Variants in ADGRL3 observed in about 807,000 individuals in gnomAD.
The protein encoded by ADGRL3 is calcium-independent alpha-latrotoxin receptor 3.
In ADGRL3, 62 loss-of-function variants were observed where a neutral mutation model predicts 153.5. That is an observed-to-expected ratio of 0.40 (90% CI 0.33 to 0.50). The LOEUF (loss-of-function observed/expected upper bound fraction) is 0.50. Ranked by LOEUF, ADGRL3 falls within the 20% of genes least tolerant of loss-of-function variation. ADGRL3 has a pLI of 0.47. For synonymous variants in ADGRL3, 710 were observed against 672.5 expected (o/e 1.06, Z -0.86); for missense variants, 1,641 against 1,859.4 (o/e 0.88, Z 2.16).
intron 6 of ADGRL3, among the ~76,000 whole-genome samples, chr4:61,680,057 A>C (rs183875177): frequency 1.3e-5 from 2 of 152,158 alleles, no homozygotes; most frequent in Admixed American, 1.3e-4. Context: ...TGTACCATGA[A>C]AATACTACTT....
intron 13 of ADGRL3, among the ~76,000 whole-genome samples, chr4:61,932,762 G>A (rs2098822874): frequency 6.6e-6 from 1 of 152,014 alleles, no homozygotes; most frequent in Middle Eastern, 3.2e-3. Flanking sequence ...TTCTTTAAGT[G>A]TAGAAAAATT....
chr4:61,206,265 T>C (rs920206680), intron 1 of ADGRL3, among the ~76,000 whole-genome samples: 2 of 152,236 alleles, frequency 1.3e-5, no homozygotes, highest in Non-Finnish European at 2.9e-5. Context: ...TATTCAAGAA[T>C]TTAAATGGAA....
intron 11 of ADGRL3, among the ~76,000 whole-genome samples, chr4:61,901,729 A>G (rs1381390921): frequency 3.3e-5 from 5 of 152,190 alleles, no homozygotes; most frequent in African/African-American, 1.2e-4. Context: ...ATTTTAAAAA[A>G]TTGTTTTGAC....
At chr4:61,469,016 C>A (rs1388965965) in intron 2 of ADGRL3, among the ~76,000 whole-genome samples, 4 of 152,010 alleles carry the variant, frequency 2.6e-5, no homozygotes, top group African/African-American at 9.7e-5. Flanking sequence ...CTCTACTTGT[C>A]TGGGTTTAGT....
rs980447863 is a variant in ADGRL3 at position 61,610,599 on chromosome 4, C to A, written c.473+23159C>A. 2.1e-4 allele frequency among the ~76,000 whole-genome samples: 32 copies of A among 152,186 alleles called. 1 individual carries two copies. The highest frequency in any genetic ancestry group is 7.7e-4 in the African/African-American group (32 of 41,524). The stretch of plus-strand genomic sequence containing the variant: ...AAGATAATTTCTCAAAATATAATTT[C>A]ATTGAATTTATAGTGAGACGGTCAA... On this transcript the variant is annotated intron_variant, in intron 5 of 26. Transcript: ENST00000683033.
chr4:61,455,323 T>G (rs1005143532), intron 2 of ADGRL3, among the ~76,000 whole-genome samples: 1 of 152,166 alleles, frequency 6.6e-6, no homozygotes, highest in African/African-American at 2.4e-5. Context: ...CTTTGGAATA[T>G]TTTCAAAGTT....
intron 8 of ADGRL3, among the ~76,000 whole-genome samples, chr4:61,745,096 A>G (rs1187093020): frequency 6.6e-6 from 1 of 152,228 alleles, no homozygotes; most frequent in East Asian, 1.9e-4. Context: ...AATGCGATCA[A>G]CTGGAATAAA....
At chr4:61,888,155 C>T (rs1455351848) in intron 9 of ADGRL3, among the ~76,000 whole-genome samples, 4 of 151,880 alleles carry the variant, frequency 2.6e-5, no homozygotes, top group Non-Finnish European at 5.9e-5. Flanking sequence ...AATACTAGTC[C>T]GTATAAGCAC....
At chr4:61,606,540 T>C (rs906840363) in intron 5 of ADGRL3, among the ~76,000 whole-genome samples, 1 of 152,198 alleles carries the variant, frequency 6.6e-6, no homozygotes, top group African/African-American at 2.4e-5. Flanking sequence ...TCCTTGTGTC[T>C]CTTTCTTTTC....
At position 61,565,829 on chromosome 4, in the gene ADGRL3, C is replaced by T. The variant is rs116043315; in HGVS notation, c.260-21398C>T. On this transcript the variant is annotated intron_variant, in intron 4 of 26. Coordinates refer to ENST00000683033, the MANE Select transcript of ADGRL3 (RefSeq NM_001387552.1). ...CTGGGATTACAGGCATGAGCCACCA[C>T]ACCCAGTCGGATTTAGGCATCTATT... Among the ~76,000 whole-genome samples the T allele has an allele frequency of 6.1e-3, 926 of 152,248 alleles. 14 individuals carry two copies. The highest frequency in any genetic ancestry group is 0.021 in the African/African-American group (878 of 41,546).
intron 13 of ADGRL3, among the ~76,000 whole-genome samples, chr4:61,931,358 C>A (rs1025638131): frequency 6.6e-6 from 1 of 152,124 alleles, no homozygotes; most frequent in African/African-American, 2.4e-5. Flanking sequence ...TAAGTGAAGA[C>A]GTCCCTTCTT....
At chr4:61,331,859 C>G (rs1485026285) in intron 1 of ADGRL3, among the ~76,000 whole-genome samples, 3 of 151,982 alleles carry the variant, frequency 2.0e-5, no homozygotes, top group African/African-American at 7.2e-5. Context: ...AAATCAGTCT[C>G]TTATTTCCCA....
chr4:61,210,291 G>A (rs1179325829), intron 1 of ADGRL3, among the ~76,000 whole-genome samples: 2 of 152,064 alleles, frequency 1.3e-5, no homozygotes, highest in Non-Finnish European at 2.9e-5. Flanking sequence ...AAGCCAAGTA[G>A]AAACGACACT....
intron 5 of ADGRL3, among the ~76,000 whole-genome samples, chr4:61,606,627 G>A (rs2099033475): frequency 6.6e-6 from 1 of 152,048 alleles, no homozygotes; most frequent in South Asian, 2.1e-4. Flanking sequence ...CTTTTTAAAG[G>A]CCCCGTCTTC....
At chr4:61,952,773 G>A (rs1472295505) in intron 17 of ADGRL3, among the ~76,000 whole-genome samples, 1 of 152,024 alleles carries the variant, frequency 6.6e-6, no homozygotes, top group African/African-American at 2.4e-5. Flanking sequence ...TCTAGCCTAG[G>A]TAATAAACTC....
intron 1 of ADGRL3, among the ~76,000 whole-genome samples, chr4:61,352,156 A>C (rs565238174): frequency 6.6e-6 from 1 of 152,306 alleles, no homozygotes; most frequent in South Asian, 2.1e-4. Flanking sequence ...GTGACTCAAG[A>C]CTTCAGTGGA....
Position 61,892,886 on chromosome 4 carries a change from G to A in ADGRL3, c.1711G>A (p.Ala571Thr). ...CGAAGAGAGCTGTGAGGCTGTGGAA[G>A]CCCGAGAAATCATGTGGTTTAAGAC... is the stretch of plus-strand genomic sequence containing the variant. The part of the protein sequence containing the change: ...ALEESCEAVE[A>T]REIMWFKTRQ... The change falls in exon 10 of 27, where the codon GCC (alanine) becomes ACC (threonine). Residue 571 changes from alanine (A) to threonine (T), a missense_variant. Ala to Thr is a moderately conservative substitution (Grantham distance 58, BLOSUM62 0). Transcript: ENST00000683033. The A allele has an allele frequency of 6.3e-7, 1 of 1,592,442 alleles. No homozygotes were observed. The highest frequency in any genetic ancestry group is 1.7e-4 in the Middle Eastern group (1 of 5,886).
chr4:61,521,920 G>A (rs1381871417), intron 4 of ADGRL3, among the ~76,000 whole-genome samples: 3 of 151,968 alleles, frequency 2.0e-5, no homozygotes, highest in African/African-American at 4.8e-5. Context: ...AACTAAAAAT[G>A]TTATGTGTTT....
At chr4:61,931,618 T>C (rs964998354) in intron 13 of ADGRL3, among the ~76,000 whole-genome samples, 5 of 152,154 alleles carry the variant, frequency 3.3e-5, no homozygotes, top group African/African-American at 1.2e-4. Context: ...GTGTAAACAT[T>C]TCCTTGCAGT....
Sources: gnomAD v4.1 joint callset for allele counts (sites outside exome capture counted in the v4.1 genomes callset) on GRCh38, gnomAD v4.1.1 for gene constraint, MANE v1.5 for transcripts, NCBI Gene and HGNC (gene_info 2026-07-23, HGNC 2026-07-21) for gene names.